IQGAP1: variants seen among roughly 807,000 people sequenced by gnomAD.
The protein encoded by IQGAP1 is IQ motif containing GTPase activating protein 1.
IQGAP1 carries 66 observed loss-of-function variants against 215.6 expected under a neutral mutation model. The ratio of observed to expected loss-of-function variants is 0.31; its 90% CI spans 0.25 to 0.38. IQGAP1 has a LOEUF of 0.38. IQGAP1 is among the 10% of genes least tolerant of loss of function. The pLI, the probability that IQGAP1 is intolerant of heterozygous loss-of-function variation, is 1.00. For missense variants in IQGAP1, 1,712 were observed against 1,997.1 expected, an observed-to-expected ratio of 0.86 and a Z score of 2.72; for synonymous variants, 772 against 728.7, an observed-to-expected ratio of 1.06 and a Z score of -0.96.
intron 2 of IQGAP1, among the ~76,000 whole-genome samples, chr15:90,414,244 G>A (rs943322582): frequency 6.6e-6 from 1 of 151,998 alleles, no homozygotes; most frequent in Non-Finnish European, 1.5e-5. Flanking sequence ...GGAGGGAGTT[G>A]GGGGTTGGAA....
intron 15 of IQGAP1, among the ~76,000 whole-genome samples, chr15:90,464,070 G>T (rs531347468): frequency 6.6e-6 from 1 of 152,160 alleles, no homozygotes; most frequent in African/African-American, 2.4e-5. Flanking sequence ...GATTTACTAA[G>T]TTCTTTATTC....
chr15:90,422,650 A>ATG (rs1426874044), intron 2 of IQGAP1, among the ~76,000 whole-genome samples: 776 of 72,810 alleles, frequency 0.011, 10 homozygotes, highest in African/African-American at 0.05. Flanking sequence ...GTATATGTAT[A>ATG]TATATATATG....
intron 5 of IQGAP1, among the ~76,000 whole-genome samples, chr15:90,438,480 A>G (rs1231693411): frequency 6.6e-6 from 1 of 152,196 alleles, no homozygotes; most frequent in African/African-American, 2.4e-5. Flanking sequence ...AAGTTTAAAA[A>G]GTAAAAATAA....
intron 26 of IQGAP1, among the ~76,000 whole-genome samples, chr15:90,480,448 C>T (rs1444487406): frequency 6.6e-6 from 1 of 152,042 alleles, no homozygotes; most frequent in South Asian, 2.1e-4. Flanking sequence ...CTATCACCAA[C>T]GTTTTTTAGC....
At position 90,452,904 on chromosome 15, in the gene IQGAP1, A is replaced by G; in HGVS notation, c.1292A>G (p.Lys431Arg). ...CCATTTGCCGCCGATCTCTATCAGA[A>G]GGAGCTGGCTACCCTGCAGCGACAA... ...VYPFAADLYQ[K>R]ELATLQRQSP... The change falls in exon 12 of 38, where the codon AAG becomes AGG. Residue 431 changes from lysine (K) to arginine (R), a missense_variant. Lys to Arg is a conservative substitution (Grantham distance 26). This residue lies in a region of IQGAP1 where 1,021 missense variants were observed against 1,074.2 expected (regional missense o/e 0.95). Coordinates refer to ENST00000268182, the MANE Select transcript of IQGAP1 (RefSeq NM_003870.4). The G allele has an allele frequency of 6.2e-7, 1 of 1,614,122 alleles. No individual in the cohort carries two copies. Among genetic ancestry groups the G allele is most frequent in the Non-Finnish European group, 8.5e-7 (1 of 1,179,996 alleles).
intron 8 of IQGAP1, among the ~76,000 whole-genome samples, chr15:90,442,989 T>G (rs1158859089): frequency 6.6e-6 from 1 of 151,662 alleles, no homozygotes; most frequent in Non-Finnish European, 1.5e-5. Flanking sequence ...AGACAGAATC[T>G]CGCTCAGTCA....
In IQGAP1 at chr15:90,433,806, T is replaced by A; in HGVS notation, c.467+11T>A. On this transcript the variant is annotated intron_variant, in intron 5 of 37. Coordinates refer to ENST00000268182, the MANE Select transcript of IQGAP1 (RefSeq NM_003870.4). ...TATCCATGCACTCAGGTAGTCAAAT[T>A]TTCTTGGCAAAATAAGGAAATTATG... 6.5e-7 allele frequency: 1 copy of A among 1,533,648 alleles called. No homozygotes were observed.
chr15:90,395,797 G>A (rs1596245972), intron 2 of IQGAP1, among the ~76,000 whole-genome samples: 1 of 152,192 alleles, frequency 6.6e-6, no homozygotes, highest in Non-Finnish European at 1.5e-5. Flanking sequence ...GACAGAACAG[G>A]GAATTCTGCA....
At chr15:90,406,760 A>G (rs1011926637) in intron 2 of IQGAP1, among the ~76,000 whole-genome samples, 1 of 152,244 alleles carries the variant, frequency 6.6e-6, no homozygotes, top group Non-Finnish European at 1.5e-5. Flanking sequence ...TTTGCTTTCA[A>G]TGTACCGTGA....
rs938663761 is a variant in IQGAP1, at chr15:90,472,965, G to T, written c.2304G>T (p.Arg768Ser). 3.7e-6 allele frequency: 6 copies of T among 1,614,042 alleles called. No individual in the cohort carries two copies. Among genetic ancestry groups the T allele is most frequent in the Non-Finnish European group, 4.2e-6 (5 of 1,179,988 alleles). ...GYLVRQEFRS[R>S]MNFLKKQIPA... is the part of the protein sequence containing the mutation. ...TAGTTCGACAGGAATTCCGATCCAG[G>T]ATGAATTTCCTGAAGAAACAAATCC... is the stretch of plus-strand genomic sequence containing the variant. The change falls in exon 19 of 38, where the codon AGG becomes AGT. Residue 768 changes from arginine to serine, a missense_variant. Coordinates refer to ENST00000268182, the MANE Select transcript of IQGAP1 (RefSeq NM_003870.4).
chr15:90,480,547 A>T (rs1966044350), intron 26 of IQGAP1, among the ~76,000 whole-genome samples: 1 of 152,160 alleles, frequency 6.6e-6, no homozygotes, highest in African/African-American at 2.4e-5. Context: ...CCATGTATTT[A>T]TTTATTTCTC....
intron 36 of IQGAP1, among the ~76,000 whole-genome samples, chr15:90,495,222 G>A (rs1445107851): frequency 6.6e-6 from 1 of 152,078 alleles, no homozygotes; most frequent in African/African-American, 2.4e-5. Context: ...GCTTTTCTGG[G>A]AAGTATCAGC....
chr15:90,395,875 GA>G (rs1964711489), intron 2 of IQGAP1, among the ~76,000 whole-genome samples: 1 of 152,246 alleles, frequency 6.6e-6, no homozygotes. Context: ...GTCACAGGAA[GA>G]AAGTTAATTC....
chr15:90,411,833 A>G (rs947236964), intron 2 of IQGAP1, among the ~76,000 whole-genome samples: 2 of 152,230 alleles, frequency 1.3e-5, no homozygotes, highest in Admixed American at 6.5e-5. Flanking sequence ...GACCATGGTA[A>G]TGTTTCACCA....
intron 5 of IQGAP1, among the ~76,000 whole-genome samples, chr15:90,437,748 C>T (rs62020725): frequency 0.12 from 17,808 of 152,038 alleles, 1,350 homozygotes; most frequent in South Asian, 0.2. Flanking sequence ...CTATGTTGCT[C>T]AAGCTGTTTT....
intron 8 of IQGAP1, among the ~76,000 whole-genome samples, chr15:90,442,939 T>G (rs1421229401): frequency 6.6e-6 from 1 of 151,588 alleles, no homozygotes; most frequent in Non-Finnish European, 1.5e-5. Context: ...GCCATTGCAC[T>G]GCAGCCTGGG....
At chr15:90,486,284 AAACAAC>A (rs1344497304) in intron 31 of IQGAP1, 152 bp downstream of exon 31, 1 of 553,464 alleles carries the variant, frequency 1.8e-6, no homozygotes. Flanking sequence ...ATAAGAGAGA[AAACAAC>A]AACAACAACA....
intron 19 of IQGAP1, 79 bp downstream of exon 19, chr15:90,473,089 T>C: frequency 1.5e-6 from 2 of 1,341,300 alleles, no homozygotes; most frequent in Non-Finnish European, 2.1e-6. Flanking sequence ...CACCATTGAC[T>C]GTCTGAGTGT....
intron 2 of IQGAP1, among the ~76,000 whole-genome samples, chr15:90,421,312 C>G (rs1381834123): frequency 1.3e-5 from 2 of 152,020 alleles, no homozygotes; most frequent in Non-Finnish European, 2.9e-5. Context: ...CCCATCTCTA[C>G]TAAAAATATA....
Sources: allele counts gnomAD v4.1 joint callset (sites outside exome capture counted in the v4.1 genomes callset), GRCh38; gene constraint gnomAD v4.1.1; regional missense constraint gnomAD v4.1.1; transcripts MANE v1.5; gene names NCBI Gene and HGNC (gene_info 2026-07-23, HGNC 2026-07-21).